The following LTBP1 variants were observed in gnomAD, a reference collection of about 807,000 sequenced individuals.
LTBP1 encodes latent transforming growth factor beta binding protein 1, also known as latent-transforming growth factor beta-binding protein 1.
A neutral mutation model predicts 207.6 loss-of-function variants in LTBP1; 129 were observed. That is an observed-to-expected ratio of 0.62 (90% CI 0.54 to 0.72). The LOEUF is 0.72. Among genes scored for constraint, LTBP1 ranks in the 30% least tolerant of loss-of-function variants. The pLI is 0.00. For synonymous variants in LTBP1, 963 were observed against 833.7 expected, an observed-to-expected ratio of 1.16 and a Z score of -2.67; for missense variants, 2,281 against 2,217.2, an observed-to-expected ratio of 1.03 and a Z score of -0.58.
intron 31 of LTBP1, among the ~76,000 whole-genome samples, chr2:33,384,563 G>A (rs72802037): frequency 0.061 from 9,362 of 152,248 alleles, 321 homozygotes; most frequent in Non-Finnish European, 0.07. Flanking sequence ...CCTTTGCACC[G>A]AGCCCCAGAC....
intron 3 of LTBP1, among the ~76,000 whole-genome samples, chr2:33,108,123 T>C (rs1186012653): frequency 6.6e-6 from 1 of 152,014 alleles, no homozygotes; most frequent in African/African-American, 2.4e-5. Context: ...GAAGAGAGTG[T>C]AGGATAGTGA....
intron 15 of LTBP1, among the ~76,000 whole-genome samples, chr2:33,264,071 C>T (rs1414936631): frequency 4.0e-5 from 6 of 151,234 alleles, no homozygotes; most frequent in African/African-American, 9.7e-5. Flanking sequence ...CTGGCTAACA[C>T]GGTGAAACCC....
At chr2:33,308,770 T>C (rs1444874737) in intron 22 of LTBP1, among the ~76,000 whole-genome samples, 1 of 152,192 alleles carries the variant, frequency 6.6e-6, no homozygotes, top group Non-Finnish European at 1.5e-5. Flanking sequence ...ACATTTCTCT[T>C]GGGGACAAAG....
At chr2:33,046,022 G>A (rs1280200650) in intron 3 of LTBP1, among the ~76,000 whole-genome samples, 2 of 152,138 alleles carry the variant, frequency 1.3e-5, no homozygotes, top group African/African-American at 4.8e-5. Context: ...GGGCTGAGAC[G>A]ATGGGGTTTT....
intron 19 of LTBP1, among the ~76,000 whole-genome samples, chr2:33,292,156 A>G (rs1461247955): frequency 6.6e-6 from 1 of 152,234 alleles, no homozygotes; most frequent in East Asian, 1.9e-4. Flanking sequence ...CAAATGGAGC[A>G]CAGAACTTAC....
intron 29 of LTBP1, 79 bp downstream of exon 29, chr2:33,363,597 C>G: frequency 1.4e-6 from 2 of 1,411,430 alleles, no homozygotes; most frequent in Non-Finnish European, 1.9e-6. Flanking sequence ...GTAGTAAAAA[C>G]AATTTCCTTG....
chr2:33,392,507 T>C (rs912215751), intron 32 of LTBP1, among the ~76,000 whole-genome samples: 1 of 152,152 alleles, frequency 6.6e-6, no homozygotes, highest in Non-Finnish European at 1.5e-5. Context: ...TTTGTAGGCT[T>C]TGCAGGTCAT....
intron 2 of LTBP1, among the ~76,000 whole-genome samples, chr2:32,957,888 C>G (rs1678346687): frequency 6.6e-6 from 1 of 152,200 alleles, no homozygotes; most frequent in Non-Finnish European, 1.5e-5. Flanking sequence ...CATGTAGACA[C>G]AGTCCATTGG....
intron 3 of LTBP1, among the ~76,000 whole-genome samples, chr2:33,054,444 C>T (rs934874469): frequency 6.6e-6 from 1 of 152,202 alleles, no homozygotes; most frequent in African/African-American, 2.4e-5. Context: ...GCCCAGACTT[C>T]AGGGTTGATT....
At chr2:33,078,317 G>A (rs2078194038) in intron 3 of LTBP1, among the ~76,000 whole-genome samples, 1 of 152,186 alleles carries the variant, frequency 6.6e-6, no homozygotes, top group Non-Finnish European at 1.5e-5. Context: ...GGGTGGAGTT[G>A]ACAGAATTTT....
chr2:33,325,552 G>T (rs150334105), intron 24 of LTBP1, among the ~76,000 whole-genome samples: 1 of 152,092 alleles, frequency 6.6e-6, no homozygotes, highest in African/African-American at 2.4e-5. Context: ...ATATAAATAC[G>T]TAAAACTATT....
At chr2:33,310,311 A>C (rs900631229) in intron 23 of LTBP1, among the ~76,000 whole-genome samples, 2 of 152,090 alleles carry the variant, frequency 1.3e-5, no homozygotes, top group African/African-American at 4.8e-5. Flanking sequence ...GAAGAAGAGG[A>C]TCTTATATTT....
rs151035397 is a variant in LTBP1, at chr2:33,120,949, T to A, written c.1033+10198T>A. Among the ~76,000 whole-genome samples the A allele has an allele frequency of 1.6e-3, 249 of 152,332 alleles. 1 individual carries two copies. The highest frequency in any genetic ancestry group is 5.8e-3 in the African/African-American group (243 of 41,572). ...CTACTCAGACTTACATGCAGTTTCTTAATATTTAGCATGGTATGCAAGTCA... is the reference window on the plus strand; with the variant it reads ...CTACTCAGACTTACATGCAGTTTCTAAATATTTAGCATGGTATGCAAGTCA... On this transcript the variant is annotated intron_variant, in intron 4 of 33. Transcript: ENST00000404816.
At chr2:33,215,275 C>T (rs952098889) in intron 7 of LTBP1, among the ~76,000 whole-genome samples, 31 of 152,020 alleles carry the variant, frequency 2.0e-4, no homozygotes, top group Non-Finnish European at 1.5e-4. Context: ...ATGCACTCTA[C>T]GTTATGGGTA....
At chr2:33,083,390 G>A (rs2078555532) in intron 3 of LTBP1, among the ~76,000 whole-genome samples, 1 of 152,164 alleles carries the variant, frequency 6.6e-6, no homozygotes, top group African/African-American at 2.4e-5. Flanking sequence ...TCTCAGTTGA[G>A]GCGGGTCTTA....
At chr2:33,318,526 T>C (rs2094305982) in intron 24 of LTBP1, among the ~76,000 whole-genome samples, 1 of 152,212 alleles carries the variant, frequency 6.6e-6, no homozygotes, top group Admixed American at 6.5e-5. Context: ...TAGTTACCCT[T>C]TCTGGATATA....
In LTBP1 at chr2:33,165,350, A is replaced by G. The variant is rs114861711; in HGVS notation, c.1202-21506A>G. Among the ~76,000 whole-genome samples the G allele has an allele frequency of 3.5e-3, 531 of 152,378 alleles. 3 individuals carry two copies. The highest frequency in any genetic ancestry group is 5.5e-3 in the Non-Finnish European group (374 of 68,042). Reference sequence around the variant, plus strand: ...GGCGAGACGCTGAAGAGAGAGAAGCAGTAGTACTTAGCTACAATTGGCATC... The same window carrying G: ...GGCGAGACGCTGAAGAGAGAGAAGCGGTAGTACTTAGCTACAATTGGCATC... On this transcript the variant is annotated intron_variant, in intron 5 of 33. Coordinates refer to ENST00000404816, the MANE Select transcript of LTBP1 (RefSeq NM_206943.4).
chr2:33,024,419 A>G (rs2075318314), intron 3 of LTBP1, among the ~76,000 whole-genome samples: 1 of 152,200 alleles, frequency 6.6e-6, no homozygotes, highest in African/African-American at 2.4e-5. Flanking sequence ...GCAGATATGT[A>G]GGGGTGAGGC....
At chr2:33,106,316 T>A (rs2080061985) in intron 3 of LTBP1, among the ~76,000 whole-genome samples, 1 of 152,234 alleles carries the variant, frequency 6.6e-6, no homozygotes, top group South Asian at 2.1e-4. Flanking sequence ...CCTCCTCCCA[T>A]GAATCACAAA....
Sources: allele counts gnomAD v4.1 joint callset (sites outside exome capture counted in the v4.1 genomes callset), GRCh38; gene constraint gnomAD v4.1.1; transcripts MANE v1.5; gene names NCBI Gene and HGNC (gene_info 2026-07-23, HGNC 2026-07-21).